Variants in SOAT2 observed in about 807,000 individuals in gnomAD.
SOAT2 encodes the protein sterol O-acyltransferase 2, also known as ACAT-2.
A neutral mutation model predicts 76.0 loss-of-function variants in SOAT2; 87 were observed. The ratio of observed to expected loss-of-function variants is 1.14; its 90% CI spans 0.96 to 1.37. SOAT2 has a LOEUF of 1.37. SOAT2 is among the 40% of genes most tolerant of loss of function. The pLI is 0.00. For missense variants in SOAT2, 686 were observed against 682.1 expected (o/e 1.01, Z -0.06); for synonymous variants, 285 against 275.4 (o/e 1.03, Z -0.34).
intron 10 of SOAT2, 145 bp from the exon 11 acceptor site, chr12:53,120,641 G>T: frequency 3.6e-6 from 2 of 562,472 alleles, no homozygotes. Flanking sequence ...AAAAAGGAAT[G>T]CATAAATTTG....
chr12:53,104,113 T>C lies in SOAT2; in HGVS notation c.83-38T>C, dbSNP rs756416796. On this transcript the variant is annotated intron_variant, in intron 1 of 14. Transcript: ENST00000301466. ...TGCCTCTGGGTCTGCAGAACCCCAA[T>C]TCCTCCTGTTGACTGTGCCTTTGAT... The C allele has an allele frequency of 8.8e-6, 14 of 1,588,514 alleles. No individual in the cohort carries two copies. In the East Asian group the frequency reaches 2.5e-4, roughly 28 times the overall value.
intron 13 of SOAT2, 138 bp downstream of exon 13, chr12:53,123,354 C>CG: frequency 1.8e-6 from 2 of 1,107,472 alleles, no homozygotes; most frequent in Non-Finnish European, 2.6e-6. Flanking sequence ...GAGGTGGAGT[C>CG]AAGGGGGTAC....
chr12:53,115,526 A>T lies in SOAT2; in HGVS notation c.580A>T (p.Thr194Ser). Residue 194 changes from threonine to serine, a missense_variant, in exon 6 of 15, where the codon ACG (threonine) becomes TCG (serine). Physicochemically the swap from Thr to Ser is moderately conservative, Grantham distance 58. Coordinates refer to ENST00000301466, the MANE Select transcript of SOAT2 (RefSeq NM_003578.4). ...ALRLWARGTW[T>S]QATGLGCALL... The stretch of plus-strand genomic sequence containing the variant: ...ACGGCTGTGGGCCAGGGGCACCTGG[A>T]CGCAGGCGACGGGCCTGGGCTGTGC... The T allele has an allele frequency of 6.2e-7, 1 of 1,604,138 alleles. No individual in the cohort carries two copies. Among genetic ancestry groups the T allele is most frequent in the Non-Finnish European group, 8.5e-7 (1 of 1,178,750 alleles).
At chr12:53,103,710 G>T in intron 1 of SOAT2, 51 bp downstream of exon 1, 1 of 1,368,028 alleles carries the variant, frequency 7.3e-7, no homozygotes, top group Non-Finnish European at 9.8e-7. Flanking sequence ...GGGGGAGGCG[G>T]GGAGAGATGC....
chr12:53,115,772 AT>A, intron 6 of SOAT2, 118 bp downstream of exon 6: 1 of 1,259,410 alleles, frequency 7.9e-7, no homozygotes, highest in South Asian at 1.6e-5. Flanking sequence ...TGGAGAAGGC[AT>A]TGGCAGGGGC....
At chr12:53,122,579 CT>C (rs1938208211) in intron 12 of SOAT2, among the ~76,000 whole-genome samples, 1 of 151,992 alleles carries the variant, frequency 6.6e-6, no homozygotes, top group Non-Finnish European at 1.5e-5. Context: ...CAAAGCACAT[CT>C]TGCACCGCCC....
chr12:53,124,007 G>C, intron 14 of SOAT2, 66 bp from the exon 15 acceptor site: 1 of 1,607,054 alleles, frequency 6.2e-7, no homozygotes, highest in Middle Eastern at 1.7e-4. Context: ...GGACTCTCAC[G>C]TCTTGGATGC....
chr12:53,105,566 A>T lies in SOAT2; in HGVS notation c.281A>T (p.Gln94Leu), dbSNP rs145607014. 1.6e-5 allele frequency: 25 copies of T among 1,611,566 alleles called. No homozygotes were observed. In the Middle Eastern group the frequency reaches 5.0e-4, roughly 32 times the overall value. Residue 94 changes from glutamine (Q) to leucine (L), a missense_variant, in exon 4 of 15, where the codon CAG becomes CTG. Transcript: ENST00000301466. ...PPPPGSLSRT[Q>L]EPSLGKQKVF... Reference sequence around the variant, plus strand: ...GAACAAACATCTCAATTCAGGACCCAGGAGCCATCCCTGGGGAAACAGAAA... The same window carrying T: ...GAACAAACATCTCAATTCAGGACCCTGGAGCCATCCCTGGGGAAACAGAAA...
intron 5 of SOAT2, among the ~76,000 whole-genome samples, chr12:53,106,950 C>G (rs74712727): frequency 6.6e-6 from 1 of 152,000 alleles, no homozygotes; most frequent in African/African-American, 2.4e-5. Context: ...AGACCCCCAG[C>G]AAAACTTGTT....
intron 5 of SOAT2, among the ~76,000 whole-genome samples, chr12:53,106,309 C>G (rs1220760753): frequency 6.6e-6 from 1 of 152,266 alleles, no homozygotes; most frequent in Non-Finnish European, 1.5e-5. Flanking sequence ...CACACCCATA[C>G]ACACTCCTTT....
Position 53,124,311 on chromosome 12 carries a change from A to G in SOAT2, c.*188A>G. The G allele has an allele frequency of 1.6e-6, 1 of 628,070 alleles. No individual in the cohort carries two copies. The highest frequency in any genetic ancestry group is 2.8e-6 in the Non-Finnish European group (1 of 351,390). The allele number at this position is 628,070 out of a possible 1,614,324, so 38.9% of individuals were successfully genotyped here. On this transcript the variant is annotated 3_prime_UTR_variant, in exon 15 of 15. Transcript: ENST00000301466. ...TTGTGGGTAACTGATCACAGACCTC[A>G]GCATGGGGGTGACCAGGGTGACTCT...
At chr12:53,119,285 G>C (rs1250476714) in intron 10 of SOAT2, 32 bp downstream of exon 10, 7 of 1,609,496 alleles carry the variant, frequency 4.3e-6, no homozygotes, top group Non-Finnish European at 5.9e-6. Context: ...TAGAGCAGCT[G>C]TGCCCTGGGG....
Position 53,105,605 on chromosome 12 carries a change from G to T in SOAT2, c.320G>T (p.Arg107Leu), listed in dbSNP as rs777380889. ...GGGAAACAGAAAGTTTTCATCATCC[G>T]CAAGTCCCTGCTTGAGTAAGTCGGG... ...SLGKQKVFIIRKSLLDELMEV... is the reference protein window; with the variant it reads ...SLGKQKVFIILKSLLDELMEV... Residue 107 changes from arginine to leucine, a missense_variant, in exon 4 of 15, where the codon CGC becomes CTC. Coordinates refer to ENST00000301466, the MANE Select transcript of SOAT2 (RefSeq NM_003578.4). The T allele has an allele frequency of 6.2e-7, 1 of 1,610,224 alleles. No individual in the cohort carries two copies. Among genetic ancestry groups the T allele is most frequent in the Admixed American group, 1.7e-5 (1 of 59,762 alleles).
chr12:53,120,618 CAA>C (rs35658019), intron 10 of SOAT2, among the ~76,000 whole-genome samples, 166 bp from the exon 11 acceptor site: 81 of 86,722 alleles, frequency 9.3e-4, no homozygotes, highest in African/African-American at 1.1e-3. Flanking sequence ...CAGCCTGTCT[CAA>C]AAAAAAAAAA....
chr12:53,106,083 C>CAGGTGGGGCA, intron 5 of SOAT2, 69 bp downstream of exon 5: 2 of 1,105,552 alleles, frequency 1.8e-6, no homozygotes, highest in Non-Finnish European at 2.7e-6. Flanking sequence ...CAGTGCCCCA[C>CAGGTGGGGCA]CTGCCCTTGG....
At chr12:53,119,920 CTG>C (rs769016950) in intron 10 of SOAT2, among the ~76,000 whole-genome samples, 11 of 152,218 alleles carry the variant, frequency 7.2e-5, no homozygotes, top group Non-Finnish European at 1.2e-4. Context: ...GTCTCTGTCT[CTG>C]TGTGTGTCTC....
chr12:53,116,241 C>T, intron 7 of SOAT2, 75 bp downstream of exon 7: 1 of 1,368,006 alleles, frequency 7.3e-7, no homozygotes, highest in Non-Finnish European at 1.0e-6. Context: ...GTGCAGGATC[C>T]TGATAAAAGT....
chr12:53,113,445 C>A lies in SOAT2; in HGVS notation c.444-1945C>A, dbSNP rs115788366. The stretch of plus-strand genomic sequence containing the variant: ...GGGTCCCCAGGAAAAATCTCACGGG[C>A]AGCTGCTTGGACCCTCCTGAAGACT... On this transcript the variant is annotated intron_variant, in intron 5 of 14. Coordinates refer to ENST00000301466, the MANE Select transcript of SOAT2 (RefSeq NM_003578.4). Among the ~76,000 whole-genome samples, 289 of 152,312 alleles carry A rather than the reference C, an allele frequency of 1.9e-3. 1 individual carries two copies. Among genetic ancestry groups the A allele is most frequent in the African/African-American group, 6.7e-3 (279 of 41,568 alleles).
In SOAT2 at chr12:53,123,599, ACCTG is replaced by A. The variant is rs1565629809; in HGVS notation, c.1373-128_1373-125del. On this transcript the variant is annotated intron_variant, in intron 13 of 14. Transcript: ENST00000301466. ...ACTTTAGACCTCTACGAATTTCTGC[ACCTG>A]AGTTCAAGATCTTCTCCAATGGGGC... 3 of 1,093,426 alleles carry A rather than the reference ACCTG, an allele frequency of 2.7e-6. No homozygotes were observed. In the African/African-American group the frequency reaches 4.7e-5, roughly 17 times the overall value. The allele number at this position is 1,093,426 out of a possible 1,614,324, so 67.7% of individuals were successfully genotyped here.
Sources: gnomAD v4.1 joint callset for allele counts (sites outside exome capture counted in the v4.1 genomes callset) on GRCh38, gnomAD v4.1.1 for gene constraint, MANE v1.5 for transcripts, NCBI Gene and HGNC (gene_info 2026-07-23, HGNC 2026-07-21) for gene names.